Variants in DNAJC5B observed in about 807,000 individuals in gnomAD.
DNAJC5B encodes the protein dnaJ homolog subfamily C member 5B.
Under a neutral mutation model 24.7 loss-of-function variants are expected in DNAJC5B, and 23 were observed. That is an observed-to-expected ratio of 0.93 (90% CI 0.67 to 1.32). The LOEUF (loss-of-function observed/expected upper bound fraction) is 1.32. DNAJC5B is among the 40% of genes most tolerant of loss of function. The probability of loss-of-function intolerance (pLI) is 0.00; values close to 1 mark genes in which losing one functional copy is unlikely to be tolerated. For synonymous variants in DNAJC5B, 101 were observed against 90.1 expected (o/e 1.12, Z -0.68); for missense variants, 238 against 240.8 (o/e 0.99, Z 0.08).
At chr8:66,099,036 T>TCA (rs34531773) in intron 5 of DNAJC5B, among the ~76,000 whole-genome samples, 11,373 of 146,026 alleles carry the variant, frequency 0.078, 823 homozygotes, top group African/African-American at 0.2. Flanking sequence ...TCTCTCTCTG[T>TCA]CACACACACA....
At chr8:66,052,251 C>T (rs1164696010) in intron 3 of DNAJC5B, among the ~76,000 whole-genome samples, 3 of 151,970 alleles carry the variant, frequency 2.0e-5, no homozygotes, top group African/African-American at 7.3e-5. Flanking sequence ...AGCAACCGCG[C>T]CCTGCCAATC....
chr8:66,056,927 T>C (rs1240748847), intron 3 of DNAJC5B: 3 of 152,180 alleles, frequency 2.0e-5, no homozygotes, highest in African/African-American at 4.8e-5. Context: ...GATCACGAGG[T>C]CAGGAGATTG....
At chr8:66,095,753 T>C (rs753469678) in intron 5 of DNAJC5B, among the ~76,000 whole-genome samples, 1 of 151,906 alleles carries the variant, frequency 6.6e-6, no homozygotes, top group Non-Finnish European at 1.5e-5. Flanking sequence ...TGATTTCTAT[T>C]ATGATTTTTT....
intron 1 of DNAJC5B, among the ~76,000 whole-genome samples, chr8:66,042,597 C>CTCTTCTTCTTCT (rs35507342): frequency 6.9e-6 from 1 of 144,888 alleles, no homozygotes; most frequent in Non-Finnish European, 1.5e-5. Context: ...CTTCTTCTTC[C>CTCTTCTTCTTCT]TCTTCTTCTT....
chr8:66,075,372 C>T (rs1321389346), intron 3 of DNAJC5B, among the ~76,000 whole-genome samples: 1 of 151,714 alleles, frequency 6.6e-6, no homozygotes, highest in South Asian at 2.1e-4. Flanking sequence ...ATCTTTGGAA[C>T]CATGGGGGGG....
chr8:66,081,791 C>A (rs1418261974), intron 5 of DNAJC5B, among the ~76,000 whole-genome samples: 1 of 152,038 alleles, frequency 6.6e-6, no homozygotes, highest in African/African-American at 2.4e-5. Flanking sequence ...TGTAGGTGGC[C>A]AATCCAGCAA....
chr8:66,074,635 T>TATTGGATTG (rs1334283625), intron 3 of DNAJC5B, among the ~76,000 whole-genome samples: 4 of 152,232 alleles, frequency 2.6e-5, no homozygotes, highest in African/African-American at 9.6e-5. Context: ...AACAAATGCC[T>TATTGGATTG]TTAACAATGG....
Position 66,100,142 on chromosome 8 carries a change from G to T in DNAJC5B, c.*111G>T. 1 of 916,728 alleles carries T rather than the reference G, an allele frequency of 1.1e-6. No homozygotes were observed. The highest frequency in any genetic ancestry group is 2.0e-5 in the South Asian group (1 of 49,504). 56.8% of individuals were successfully genotyped at this position (916,728 alleles called of 1,614,324 possible). A position where few individuals can be genotyped will look rare whatever the true frequency, so the allele number is the denominator to read the frequency against. On this transcript the variant is annotated 3_prime_UTR_variant, in exon 6 of 6. Transcript: ENST00000276570. ...GTGCTGTGAACTTTTCCATCTTGTTGTTTTATTTTTGGGTTAGGAAAACAT... is the reference window on the plus strand; with the variant it reads ...GTGCTGTGAACTTTTCCATCTTGTTTTTTTATTTTTGGGTTAGGAAAACAT...
At chr8:66,076,032 G>A (rs2128963689) in intron 3 of DNAJC5B, among the ~76,000 whole-genome samples, 1 of 152,306 alleles carries the variant, frequency 6.6e-6, no homozygotes, top group East Asian at 1.9e-4. Flanking sequence ...AGAGGAGAAG[G>A]CCTTATGCCC....
intron 5 of DNAJC5B, among the ~76,000 whole-genome samples, chr8:66,084,968 T>C (rs1195522289): frequency 6.6e-6 from 1 of 152,182 alleles, no homozygotes; most frequent in Non-Finnish European, 1.5e-5. Flanking sequence ...TTATGACGCA[T>C]TTTGAGTTAA....
rs888887430 is a variant in DNAJC5B at position 66,085,490 on chromosome 8, G to A, written c.505+4942G>A. On this transcript the variant is annotated intron_variant, in intron 5 of 5. Coordinates refer to ENST00000276570, the MANE Select transcript of DNAJC5B (RefSeq NM_033105.6). ...CGGGAGGCTGAGGCAGGAGAATTGT[G>A]TGAACCCGGGAGGTGGAGCTTGCAG... 7.4e-4 allele frequency among the ~76,000 whole-genome samples: 112 copies of A among 151,958 alleles called. 1 individual carries two copies. The highest frequency in any genetic ancestry group is 2.6e-3 in the African/African-American group (108 of 41,460).
At position 66,099,950 on chromosome 8, in the gene DNAJC5B, A is replaced by T; in HGVS notation, c.519A>T (p.Pro173=). The part of the protein sequence containing the change: ...KSDMEKDVDF[P]VFLQPTNANE... ...GTTTATTTTTAGATGTGGACTTTCCAGTTTTTCTCCAGCCTACAAATGCAA... is the reference window on the plus strand; with the variant it reads ...GTTTATTTTTAGATGTGGACTTTCCTGTTTTTCTCCAGCCTACAAATGCAA... Residue 173 remains proline (P), a synonymous_variant, in exon 6 of 6, where the codon CCA becomes CCT. Coordinates refer to ENST00000276570, the MANE Select transcript of DNAJC5B (RefSeq NM_033105.6). 1 of 1,613,930 alleles carries T rather than the reference A, an allele frequency of 6.2e-7. No homozygotes were observed. The highest frequency in any genetic ancestry group is 8.5e-7 in the Non-Finnish European group (1 of 1,179,866).
At chr8:66,021,270 C>T (rs572988259), upstream of DNAJC5B, among the ~76,000 whole-genome samples, 1 of 152,314 alleles carries the variant, frequency 6.6e-6, no homozygotes, top group African/African-American at 2.4e-5. Flanking sequence ...AATCTGGTCA[C>T]TAGCCGGTCT....
At chr8:66,077,267 C>T (rs971870168) in intron 4 of DNAJC5B, among the ~76,000 whole-genome samples, 2 of 152,092 alleles carry the variant, frequency 1.3e-5, no homozygotes, top group African/African-American at 4.8e-5. Context: ...TCAGCAAACA[C>T]AATACTGGGA....
chr8:66,027,168 A>G (rs1806263641), intron 1 of DNAJC5B, among the ~76,000 whole-genome samples: 1 of 152,200 alleles, frequency 6.6e-6, no homozygotes, highest in Non-Finnish European at 1.5e-5. Flanking sequence ...TCTGGGGAGC[A>G]GGGATCCATA....
rs1359506349 is a variant in DNAJC5B at position 66,025,909 on chromosome 8, G to A, written c.-142+4204G>A. Among the ~76,000 whole-genome samples the A allele has an allele frequency of 4.1e-5, 4 of 96,390 alleles. 2 individuals carry two copies. The highest frequency in any genetic ancestry group is 5.3e-4 in the South Asian group (2 of 3,782). The allele number at this position is 96,390 out of a possible 152,430, so 63.2% of individuals were successfully genotyped here. A position where few individuals can be genotyped will look rare whatever the true frequency, so the allele number is the denominator to read the frequency against. On this transcript the variant is annotated intron_variant, in intron 1 of 5. Coordinates refer to ENST00000276570, the MANE Select transcript of DNAJC5B (RefSeq NM_033105.6). ...TGGCTTAGGATTGACTTGGCGATGC[G>A]GGCTCTTTTTTGGTTCCATATGAAC...
chr8:66,015,020 G>C, the DNAJC5B span, among the ~76,000 whole-genome samples: 1 of 152,168 alleles, frequency 6.6e-6, no homozygotes, highest in Non-Finnish European at 1.5e-5. Context: ...CTCATGAGGA[G>C]AGGACACTTC....
intron 3 of DNAJC5B, among the ~76,000 whole-genome samples, chr8:66,065,130 A>G (rs1283851806): frequency 6.6e-6 from 1 of 152,002 alleles, no homozygotes; most frequent in African/African-American, 2.4e-5. Flanking sequence ...TCAGCACTTG[A>G]CTCTCCATAT....
At chr8:66,063,552 G>C (rs374372901) in intron 3 of DNAJC5B, among the ~76,000 whole-genome samples, 1 of 152,172 alleles carries the variant, frequency 6.6e-6, no homozygotes, top group African/African-American at 2.4e-5. Context: ...CATACTCACA[G>C]CCCACTTGGA....
Sources: allele counts gnomAD v4.1 joint callset (sites outside exome capture counted in the v4.1 genomes callset), GRCh38; gene constraint gnomAD v4.1.1; transcripts MANE v1.5; gene names NCBI Gene and HGNC (gene_info 2026-07-23, HGNC 2026-07-21).